ITPR2: variants seen among roughly 807,000 people sequenced by gnomAD.
ITPR2 encodes inositol 1,4,5-trisphosphate receptor type 2.
In ITPR2, 207 loss-of-function variants were observed where a neutral mutation model predicts 317.1. The observed-to-expected ratio is 0.65, with a 90% confidence interval of 0.58 to 0.73. The LOEUF is 0.73. Among genes scored for constraint, ITPR2 ranks in the 30% least tolerant of loss-of-function variants. ITPR2 has a pLI of 0.00. For synonymous variants in ITPR2, 1,156 were observed against 1,149.1 expected (o/e 1.01, Z -0.12); for missense variants, 2,613 against 3,284.0 (o/e 0.80, Z 4.99).
intron 37 of ITPR2, among the ~76,000 whole-genome samples, chr12:26,514,097 T>A (rs1178776526): frequency 6.6e-6 from 1 of 152,252 alleles, no homozygotes; most frequent in Non-Finnish European, 1.5e-5. Flanking sequence ...AATTTTAGTC[T>A]TATTTTTTAA....
At chr12:26,747,831 G>T (rs184083643) in intron 2 of ITPR2, among the ~76,000 whole-genome samples, 209 of 152,230 alleles carry the variant, frequency 1.4e-3, no homozygotes, top group African/African-American at 4.3e-3. Context: ...CCAGTCTCAC[G>T]TCATTATTTC....
rs771660170 is a variant in ITPR2 at position 26,415,318 on chromosome 12, G to A, written c.7291C>T (p.Arg2431Ter). ...FTMEVDRLKN[R>*]TPVTGSHQVP... ...ATAGCAATACCTGTAACAGGAGTTC[G>A]GTTTTTCAGCCTATCAACTTCCATA... Residue 2431 changes from arginine (R) to a stop codon, truncating the protein, a stop_gained, in exon 51 of 57, where the codon CGA (arginine) becomes TGA (stop). Transcript: ENST00000381340. LOFTEE classifies it high-confidence loss of function. 3.7e-6 allele frequency: 6 copies of A among 1,600,102 alleles called. No homozygotes were observed. The highest frequency in any genetic ancestry group is 2.7e-5 in the African/African-American group (2 of 73,958).
At chr12:26,537,400 A>G (rs550522248) in intron 37 of ITPR2, among the ~76,000 whole-genome samples, 1 of 152,328 alleles carries the variant, frequency 6.6e-6, no homozygotes, top group East Asian at 1.9e-4. Context: ...CAAGAAGCCT[A>G]AAGAAGCATC....
intron 13 of ITPR2, among the ~76,000 whole-genome samples, chr12:26,673,465 G>A (rs1487099140): frequency 6.6e-6 from 1 of 152,084 alleles, no homozygotes; most frequent in Non-Finnish European, 1.5e-5. Flanking sequence ...CTCAATAGAT[G>A]CAGAAAAGGC....
intron 46 of ITPR2, among the ~76,000 whole-genome samples, chr12:26,440,602 C>T (rs1191648674): frequency 6.6e-6 from 1 of 152,008 alleles, no homozygotes; most frequent in Non-Finnish European, 1.5e-5. Flanking sequence ...TACTAGAATA[C>T]TGTCATAAAG....
At chr12:26,702,488 T>G (rs1174053607) in intron 9 of ITPR2, among the ~76,000 whole-genome samples, 2 of 150,286 alleles carry the variant, frequency 1.3e-5, no homozygotes, top group African/African-American at 2.4e-5. Context: ...GCCCAGGCTG[T>G]AGTGCAGTGG....
chr12:26,424,291 T>C (rs1354000823), intron 49 of ITPR2, among the ~76,000 whole-genome samples: 1 of 152,170 alleles, frequency 6.6e-6, no homozygotes, highest in Non-Finnish European at 1.5e-5. Flanking sequence ...AAATTCAAAG[T>C]CTTGTTGATT....
At chr12:26,365,395 T>G (rs545446515) in intron 55 of ITPR2, among the ~76,000 whole-genome samples, 8 of 152,312 alleles carry the variant, frequency 5.3e-5, no homozygotes, top group African/African-American at 1.9e-4. Flanking sequence ...TTCTTTTTCC[T>G]GAAACTGTAT....
intron 2 of ITPR2, among the ~76,000 whole-genome samples, chr12:26,765,733 T>C (rs1373393583): frequency 6.6e-6 from 1 of 152,104 alleles, no homozygotes; most frequent in Non-Finnish European, 1.5e-5. Flanking sequence ...TGTGCAAACA[T>C]CTCAACTAAT....
At chr12:26,465,372 A>G (rs1942146280) in intron 45 of ITPR2, among the ~76,000 whole-genome samples, 1 of 152,174 alleles carries the variant, frequency 6.6e-6, no homozygotes, top group African/African-American at 2.4e-5. Flanking sequence ...GTTTAGGTGG[A>G]ACGGTGAAAA....
chr12:26,778,912 C>G (rs1179423777), intron 2 of ITPR2, among the ~76,000 whole-genome samples: 1 of 152,044 alleles, frequency 6.6e-6, no homozygotes, highest in African/African-American at 2.4e-5. Context: ...TGCATTTGGC[C>G]CCTCCTACAA....
chr12:26,591,909 C>T (rs1177410830), intron 32 of ITPR2, among the ~76,000 whole-genome samples: 1 of 151,704 alleles, frequency 6.6e-6, no homozygotes, highest in African/African-American at 2.4e-5. Flanking sequence ...TATATTCCCA[C>T]AAGAAAGGAA....
At chr12:26,570,810 T>C (rs1054068564) in intron 34 of ITPR2, among the ~76,000 whole-genome samples, 8 of 152,302 alleles carry the variant, frequency 5.3e-5, no homozygotes, top group African/African-American at 1.9e-4. Context: ...ACGAATCAAC[T>C]GAGGAACAGC....
intron 22 of ITPR2, among the ~76,000 whole-genome samples, chr12:26,629,438 T>C (rs1483518869): frequency 6.6e-6 from 1 of 151,982 alleles, no homozygotes; most frequent in Admixed American, 6.6e-5. Flanking sequence ...ACACAACAAA[T>C]TAGCCAGGCA....
chr12:26,445,627 GGACA>G (rs1941592815), intron 45 of ITPR2, among the ~76,000 whole-genome samples: 1 of 152,096 alleles, frequency 6.6e-6, no homozygotes, highest in South Asian at 2.1e-4. Flanking sequence ...AATCAAATGA[GGACA>G]GAGAAATGTC....
chr12:26,502,168 C>T (rs558404646), intron 37 of ITPR2, among the ~76,000 whole-genome samples: 1 of 152,312 alleles, frequency 6.6e-6, no homozygotes, highest in Admixed American at 6.5e-5. Context: ...TTCCAGGAAG[C>T]ATACTAACTA....
chr12:26,662,633 A>G (rs531938337), intron 15 of ITPR2, among the ~76,000 whole-genome samples: 1 of 152,186 alleles, frequency 6.6e-6, no homozygotes, highest in Non-Finnish European at 1.5e-5. Context: ...TATGTTAGAC[A>G]TTTACATTAT....
chr12:26,688,467 G>C (rs1237705870), intron 10 of ITPR2, among the ~76,000 whole-genome samples: 1 of 151,988 alleles, frequency 6.6e-6, no homozygotes, highest in Non-Finnish European at 1.5e-5. Context: ...TGAGCAAAGA[G>C]ATGAGTGCAG....
intron 34 of ITPR2, among the ~76,000 whole-genome samples, chr12:26,573,113 C>A (rs977290060): frequency 1.3e-5 from 2 of 151,964 alleles, no homozygotes; most frequent in African/African-American, 4.8e-5. Context: ...AAGCTGCGAA[C>A]TCCTGGGCAG....
Sources: allele counts gnomAD v4.1 joint callset (sites outside exome capture counted in the v4.1 genomes callset), GRCh38; gene constraint gnomAD v4.1.1; transcripts MANE v1.5; gene names NCBI Gene and HGNC (gene_info 2026-07-23, HGNC 2026-07-21).